The following ZNF804B variants were observed in gnomAD, a reference collection of about 807,000 sequenced individuals.
ZNF804B encodes zinc finger 804B.
Under a neutral mutation model 101.4 loss-of-function variants are expected in ZNF804B, and 80 were observed. The observed-to-expected ratio is 0.79, with a 90% confidence interval of 0.66 to 0.95. The LOEUF (loss-of-function observed/expected upper bound fraction) is 0.95. Among genes scored for constraint, ZNF804B ranks in the 40% least tolerant of loss-of-function variants. The probability of loss-of-function intolerance (pLI) is 0.00; values close to 1 mark genes in which losing one functional copy is unlikely to be tolerated. For missense variants in ZNF804B, 1,673 were observed against 1,561.9 expected, an observed-to-expected ratio of 1.07 and a Z score of -1.20; for synonymous variants, 622 against 558.8, an observed-to-expected ratio of 1.11 and a Z score of -1.59.
chr7:89,179,350 C>CT (rs1047872261), intron 1 of ZNF804B, among the ~76,000 whole-genome samples: 4 of 151,620 alleles, frequency 2.6e-5, no homozygotes, highest in Admixed American at 6.6e-5. Context: ...CTTTTATATT[C>CT]TTTTTTTGTC....
intron 1 of ZNF804B, among the ~76,000 whole-genome samples, chr7:88,839,172 C>G (rs1326536231): frequency 6.6e-6 from 1 of 151,898 alleles, no homozygotes; most frequent in South Asian, 2.1e-4. Context: ...TTTTTACCTG[C>G]TATTTAGAGT....
intron 1 of ZNF804B, among the ~76,000 whole-genome samples, chr7:89,010,037 A>G (rs1479099857): frequency 1.3e-5 from 2 of 152,214 alleles, no homozygotes; most frequent in Middle Eastern, 3.4e-3. Flanking sequence ...TATTTTTTAT[A>G]TCTATTATTG....
chr7:89,245,543 C>G (rs908649902), intron 2 of ZNF804B, among the ~76,000 whole-genome samples: 5 of 152,066 alleles, frequency 3.3e-5, no homozygotes, highest in African/African-American at 4.8e-5. Context: ...GGAAATTTTA[C>G]ATACTTGGAA....
intron 1 of ZNF804B, among the ~76,000 whole-genome samples, chr7:88,779,979 T>G (rs974509552): frequency 6.6e-6 from 1 of 152,140 alleles, no homozygotes; most frequent in Non-Finnish European, 1.5e-5. Context: ...CTCAGCTGAT[T>G]TAGAGTGGGT....
At chr7:89,135,094 T>C (rs1232709944) in intron 1 of ZNF804B, among the ~76,000 whole-genome samples, 1 of 152,112 alleles carries the variant, frequency 6.6e-6, no homozygotes, top group Non-Finnish European at 1.5e-5. Flanking sequence ...TATTTGGTCA[T>C]TAATGAACTG....
chr7:88,929,174 C>T (rs1439212560), intron 1 of ZNF804B, among the ~76,000 whole-genome samples: 2 of 151,738 alleles, frequency 1.3e-5, no homozygotes, highest in Non-Finnish European at 2.9e-5. Flanking sequence ...TCTCCTGTGG[C>T]CATCAATAGA....
chr7:89,035,201 T>C (rs4728797), intron 1 of ZNF804B, among the ~76,000 whole-genome samples: 45,914 of 151,946 alleles, frequency 0.3, 7,264 homozygotes, highest in East Asian at 0.53. Flanking sequence ...ACCCACCTGC[T>C]GAAAAGAAAG....
At chr7:88,813,417 T>C (rs1302511313) in intron 1 of ZNF804B, among the ~76,000 whole-genome samples, 1 of 131,280 alleles carries the variant, frequency 7.6e-6, no homozygotes, top group African/African-American at 3.1e-5. Flanking sequence ...AGAGCGAGAC[T>C]CCATCTAAAA....
At chr7:88,952,030 C>T (rs546155246) in intron 1 of ZNF804B, among the ~76,000 whole-genome samples, 1 of 151,878 alleles carries the variant, frequency 6.6e-6, no homozygotes, top group South Asian at 2.1e-4. Flanking sequence ...CATTTAGCTA[C>T]AAAGCAATGG....
At chr7:89,265,285 TGTGTG>T (rs1562931321) in intron 2 of ZNF804B, among the ~76,000 whole-genome samples, 3 of 31,916 alleles carry the variant, frequency 9.4e-5, no homozygotes, top group African/African-American at 5.2e-4. Context: ...TGTGTGTGTG[TGTGTG>T]TGTGCGCGTG....
At chr7:89,068,235 C>G (rs1330184831) in intron 1 of ZNF804B, among the ~76,000 whole-genome samples, 1 of 151,002 alleles carries the variant, frequency 6.6e-6, no homozygotes, top group Non-Finnish European at 1.5e-5. Flanking sequence ...GCATTTTCTT[C>G]TTAAAGTTGT....
intron 1 of ZNF804B, among the ~76,000 whole-genome samples, chr7:88,812,142 G>C (rs1423319157): frequency 6.6e-6 from 1 of 152,122 alleles, no homozygotes; most frequent in East Asian, 1.9e-4. Flanking sequence ...AGATTTCATG[G>C]TATAATAGTT....
intron 1 of ZNF804B, among the ~76,000 whole-genome samples, chr7:88,978,749 T>C (rs1793653544): frequency 6.6e-6 from 1 of 151,610 alleles, no homozygotes; most frequent in Non-Finnish European, 1.5e-5. Flanking sequence ...TTGTTGTCTG[T>C]TTTCTGGTTG....
chr7:89,087,785 T>C (rs1199621603), intron 1 of ZNF804B, among the ~76,000 whole-genome samples: 1 of 151,876 alleles, frequency 6.6e-6, no homozygotes, highest in Non-Finnish European at 1.5e-5. Flanking sequence ...AATCTTTCAT[T>C]GCTTTCTTCT....
At chr7:88,866,260 A>G (rs1230943948) in intron 1 of ZNF804B, among the ~76,000 whole-genome samples, 1 of 152,236 alleles carries the variant, frequency 6.6e-6, no homozygotes, top group African/African-American at 2.4e-5. Flanking sequence ...TCTGTGATAG[A>G]GTCTTCAAGA....
chr7:88,935,516 CTATT>C (rs1792952900), intron 1 of ZNF804B, among the ~76,000 whole-genome samples: 1 of 151,398 alleles, frequency 6.6e-6, no homozygotes, highest in African/African-American at 2.4e-5. Context: ...AGACCTCACT[CTATT>C]TATTTTTTAT....
intron 2 of ZNF804B, among the ~76,000 whole-genome samples, chr7:89,272,338 A>T (rs1789911179): frequency 6.6e-6 from 1 of 152,116 alleles, no homozygotes. Flanking sequence ...CATTTTCTAA[A>T]TTGGAATCAT....
chr7:89,233,445 T>C (rs1789230034), intron 2 of ZNF804B, among the ~76,000 whole-genome samples: 1 of 152,204 alleles, frequency 6.6e-6, no homozygotes, highest in Admixed American at 6.5e-5. Context: ...ATAAATATTT[T>C]ACAATCATGA....
At chr7:89,272,289 A>G (rs868475683) in intron 2 of ZNF804B, among the ~76,000 whole-genome samples, 8 of 152,166 alleles carry the variant, frequency 5.3e-5, no homozygotes, top group Non-Finnish European at 1.2e-4. Context: ...TGTTGCATGT[A>G]TGAATAAATT....
Sources: allele counts gnomAD v4.1 joint callset (sites outside exome capture counted in the v4.1 genomes callset), GRCh38; gene constraint gnomAD v4.1.1; transcripts MANE v1.5; gene names NCBI Gene and HGNC (gene_info 2026-07-23, HGNC 2026-07-21).